GPR89A: variants seen among roughly 807,000 people sequenced by gnomAD.
GPR89A encodes golgi pH regulator A.
Under a neutral mutation model 52.0 loss-of-function variants are expected in GPR89A, and 16 were observed. The ratio of observed to expected loss-of-function variants is 0.31; its 90% CI spans 0.21 to 0.47. GPR89A has a LOEUF of 0.47. Ranked by LOEUF, GPR89A falls within the 20% of genes least tolerant of loss-of-function variation. The pLI is 1.00. For missense variants in GPR89A, 135 were observed against 449.4 expected, an observed-to-expected ratio of 0.30 and a Z score of 6.33; for synonymous variants, 55 against 150.9, an observed-to-expected ratio of 0.36 and a Z score of 4.66.
At chr1:145,627,404 T>C (rs1192709150) in intron 5 of GPR89A, among the ~76,000 whole-genome samples, 1 of 151,912 alleles carries the variant, frequency 6.6e-6, no homozygotes, top group Non-Finnish European at 1.5e-5. Context: ...AACAAACATT[T>C]GTTGAACACC....
At chr1:145,668,380 A>C (rs1180230246) in intron 12 of GPR89A, among the ~76,000 whole-genome samples, 10 of 152,042 alleles carry the variant, frequency 6.6e-5, no homozygotes, top group African/African-American at 2.4e-4. Flanking sequence ...TTTGTCTGTT[A>C]TTGGTCTATA....
intron 10 of GPR89A, among the ~76,000 whole-genome samples, chr1:145,653,600 GAGTATA>G (rs1651612360): frequency 8.4e-6 from 1 of 119,292 alleles, no homozygotes; most frequent in African/African-American, 3.3e-5. Context: ...TATTATGTGA[GAGTATA>G]AGTCTCTTTG....
chr1:145,616,361 A>G (rs1280196730), intron 2 of GPR89A, 68 bp downstream of exon 2: 1 of 1,290,062 alleles, frequency 7.8e-7, no homozygotes, highest in African/African-American at 1.5e-5. Flanking sequence ...TGTCTCCATT[A>G]AAGAAACATT....
At chr1:145,663,599 T>C (rs1355421755) in intron 11 of GPR89A, among the ~76,000 whole-genome samples, 175 bp downstream of exon 11, 1 of 152,094 alleles carries the variant, frequency 6.6e-6, no homozygotes, top group Non-Finnish European at 1.5e-5. Flanking sequence ...TGTATTCACA[T>C]GGAAAATTTG....
chr1:145,610,845 A>G (rs1422842382), intron 1 of GPR89A, among the ~76,000 whole-genome samples: 1 of 152,080 alleles, frequency 6.6e-6, no homozygotes, highest in African/African-American at 2.4e-5. Flanking sequence ...GCTGATGGCC[A>G]TCTTTTTTTT....
At chr1:145,629,442 G>A (rs1649748197) in intron 5 of GPR89A, among the ~76,000 whole-genome samples, 1 of 152,142 alleles carries the variant, frequency 6.6e-6, no homozygotes, top group Non-Finnish European at 1.5e-5. Context: ...GAAGGACAAA[G>A]GTAGGAAAAA....
intron 11 of GPR89A, 134 bp downstream of exon 11, chr1:145,663,558 C>T (rs1208854767): frequency 2.8e-5 from 19 of 668,736 alleles, no homozygotes; most frequent in Admixed American, 2.2e-4. Context: ...TATATTTTGA[C>T]GTATTCACAT....
intron 10 of GPR89A, among the ~76,000 whole-genome samples, chr1:145,662,370 A>G (rs1304521872): frequency 6.6e-6 from 1 of 152,040 alleles, no homozygotes; most frequent in African/African-American, 2.4e-5. Context: ...TATTTTTGCT[A>G]TGAAATCTAC....
chr1:145,646,535 G>A (rs1226803695), intron 9 of GPR89A: 5 of 450,942 alleles, frequency 1.1e-5, no homozygotes, highest in South Asian at 2.8e-5. Flanking sequence ...AAGGTGGCAC[G>A]TACCACCTCC....
At chr1:145,659,583 C>T (rs1250597773) in intron 10 of GPR89A, among the ~76,000 whole-genome samples, 1 of 142,418 alleles carries the variant, frequency 7.0e-6, no homozygotes, top group Non-Finnish European at 1.5e-5. Flanking sequence ...TTCTCCACAT[C>T]CCCACCAACA....
At chr1:145,632,492 A>G (rs1553690047) in intron 7 of GPR89A, among the ~76,000 whole-genome samples, 1 of 152,150 alleles carries the variant, frequency 6.6e-6, no homozygotes, top group African/African-American at 2.4e-5. Flanking sequence ...AAGTGAGAAC[A>G]TGCAGTATTT....
At chr1:145,662,304 C>T (rs1279654066) in intron 10 of GPR89A, among the ~76,000 whole-genome samples, 1 of 151,738 alleles carries the variant, frequency 6.6e-6, no homozygotes, top group Non-Finnish European at 1.5e-5. Flanking sequence ...CATTGTGTAC[C>T]CCTTGTTGAA....
At chr1:145,645,494 C>G in intron 8 of GPR89A, 1 of 431,454 alleles carries the variant, frequency 2.3e-6, no homozygotes, top group Admixed American at 2.6e-5. Context: ...AGCCCCTGTT[C>G]TCTAAATGGG....
At chr1:145,647,819 CGTCGTCG>C (rs1457823552) in intron 10 of GPR89A, among the ~76,000 whole-genome samples, 1 of 5,406 alleles carries the variant, frequency 1.8e-4, no homozygotes. Context: ...CTCTCTTCGT[CGTCGTCG>C]ACTCTCTCTC....
At chr1:145,654,014 G>C (rs1214803448) in intron 10 of GPR89A, among the ~76,000 whole-genome samples, 1 of 152,148 alleles carries the variant, frequency 6.6e-6, no homozygotes, top group African/African-American at 2.4e-5. Flanking sequence ...CATGATGCTA[G>C]CTGGTTATTT....
At chr1:145,654,553 C>CAAAA (rs1559045894) in intron 10 of GPR89A, among the ~76,000 whole-genome samples, 6 of 126,928 alleles carry the variant, frequency 4.7e-5, no homozygotes, top group South Asian at 2.5e-4. Context: ...AATCCATCTA[C>CAAAA]AAAAAAAAAA....
At chr1:145,623,027 A>G in intron 3 of GPR89A, 27 bp from the exon 4 acceptor site, 1 of 1,599,610 alleles carries the variant, frequency 6.3e-7, no homozygotes, top group Non-Finnish European at 8.5e-7. Flanking sequence ...TCTTCCTCCC[A>G]GTGACAGTCT....
At chr1:145,646,079 G>A (rs1650968049) in intron 8 of GPR89A, 105 bp from the exon 9 acceptor site, 1 of 1,557,400 alleles carries the variant, frequency 6.4e-7, no homozygotes, top group Non-Finnish European at 8.9e-7. Context: ...GAGAATATAG[G>A]CAACTCCGGG....
intron 5 of GPR89A, among the ~76,000 whole-genome samples, chr1:145,629,471 G>C (rs1553689503): frequency 6.6e-6 from 1 of 152,186 alleles, no homozygotes; most frequent in Non-Finnish European, 1.5e-5. Flanking sequence ...AACTGCCGAA[G>C]ACAATGGAGA....
Sources: allele counts gnomAD v4.1 joint callset (sites outside exome capture counted in the v4.1 genomes callset), GRCh38; gene constraint gnomAD v4.1.1; transcripts MANE v1.5; gene names NCBI Gene and HGNC (gene_info 2026-07-23, HGNC 2026-07-21).